ABCB1: variants seen among roughly 807,000 people sequenced by gnomAD.
ABCB1 encodes ATP binding cassette subfamily B member 1.
A neutral mutation model predicts 142.0 loss-of-function variants in ABCB1; 69 were observed. The ratio of observed to expected loss-of-function variants is 0.49; its 90% CI spans 0.40 to 0.59. ABCB1 has a LOEUF of 0.59. Among genes scored for constraint, ABCB1 ranks in the 20% least tolerant of loss-of-function variants. The pLI, the probability that ABCB1 is intolerant of heterozygous loss-of-function variation, is 0.00. For missense variants in ABCB1, 1,326 were observed against 1,554.7 expected, an observed-to-expected ratio of 0.85 and a Z score of 2.47; for synonymous variants, 532 against 539.2, an observed-to-expected ratio of 0.99 and a Z score of 0.18.
intron 3 of ABCB1, among the ~76,000 whole-genome samples, chr7:87,593,530 G>A (rs543387908): frequency 2.0e-5 from 3 of 152,314 alleles, no homozygotes; most frequent in East Asian, 3.9e-4. Flanking sequence ...TGTATACAAA[G>A]GTTGGCCCTT....
Position 87,566,812 on chromosome 7 carries a change from A to G in ABCB1, c.503T>C (p.Val168Ala), listed in dbSNP as rs776417319. 3 of 1,614,076 alleles carry G rather than the reference A, an allele frequency of 1.9e-6. No individual in the cohort carries two copies. In the Admixed American group the frequency reaches 5.0e-5, roughly 27 times the overall value. ...TGTAAGTCGGGTGTTAAGCTCCCCA[A>G]CATCGTGCACATCAAACCAGCCTAT... ...QEIGWFDVHD[V>A]GELNTRLTDD... The change falls in exon 6 of 28, where the codon GTT becomes GCT. Residue 168 changes from valine (V) to alanine (A), a missense_variant. Transcript: ENST00000622132.
chr7:87,561,268 A>C lies in ABCB1; in HGVS notation c.822T>G (p.Leu274=). The change falls in exon 8 of 28, where the codon CTT becomes CTG. Residue 274 remains leucine, a synonymous_variant. Coordinates refer to ENST00000622132, the MANE Select transcript of ABCB1 (RefSeq NM_001348946.2). The part of the protein sequence containing the change: ...VIAFGGQKKE[L]ERYNKNLEEA... ...TTTAAAAAAGAAACTCAAACCTTTC[A>C]AGTTCTTTCTTTTGTCCTCCAAATG... is the stretch of plus-strand genomic sequence containing the variant. 3 of 1,613,904 alleles carry C rather than the reference A, an allele frequency of 1.9e-6. No homozygotes were observed. Among genetic ancestry groups the C allele is most frequent in the Non-Finnish European group, 2.5e-6 (3 of 1,179,906 alleles).
intron 1 of ABCB1, among the ~76,000 whole-genome samples, chr7:87,641,227 G>T (rs1822421586): frequency 6.6e-6 from 1 of 152,138 alleles, no homozygotes; most frequent in Non-Finnish European, 1.5e-5. Flanking sequence ...AGTAGAAATA[G>T]ACCACAGTGG....
chr7:87,637,914 G>T (rs1281876465), intron 1 of ABCB1, among the ~76,000 whole-genome samples: 5 of 151,488 alleles, frequency 3.3e-5, no homozygotes, highest in South Asian at 4.2e-4. Context: ...TATTGCACTG[G>T]CTAGGACCAC....
At chr7:87,575,327 TG>T (rs961864604) in intron 4 of ABCB1, among the ~76,000 whole-genome samples, 5 of 152,174 alleles carry the variant, frequency 3.3e-5, no homozygotes, top group African/African-American at 1.2e-4. Context: ...ATTGAAAAGG[TG>T]GTTTTCAAAC....
intron 9 of ABCB1, among the ~76,000 whole-genome samples, chr7:87,552,206 TA>T (rs1229282775): frequency 6.6e-6 from 1 of 152,232 alleles, no homozygotes; most frequent in Non-Finnish European, 1.5e-5. Context: ...TTCTTATTGG[TA>T]AAGACTTAAC....
At chr7:87,612,131 G>T (rs1001657143) in intron 1 of ABCB1, among the ~76,000 whole-genome samples, 6 of 152,098 alleles carry the variant, frequency 3.9e-5, no homozygotes, top group African/African-American at 1.2e-4. Context: ...GGACTGATTT[G>T]TCTGAGCTCC....
chr7:87,599,723 T>C (rs1819366564), intron 2 of ABCB1, among the ~76,000 whole-genome samples: 1 of 152,230 alleles, frequency 6.6e-6, no homozygotes, highest in African/African-American at 2.4e-5. Flanking sequence ...TAGCAATATA[T>C]TGTATATTTC....
chr7:87,544,963 C>G lies in ABCB1; in HGVS notation c.1924G>C (p.Asp642His). Reference protein sequence around the residue: ...GNEVELENAADESKSEIDALE... With the variant: ...GNEVELENAAHESKSEIDALE... ...GCATCAATTTCACTTTTGGATTCAT[C>G]AGCTGCATTTTCTAATTCAACTTCA... is the stretch of plus-strand genomic sequence containing the variant. The change falls in exon 16 of 28, where the codon GAT (aspartate) becomes CAT (histidine). Residue 642 changes from aspartate to histidine, a missense_variant. By Grantham distance (81) the Asp-to-His change is moderately conservative. Coordinates refer to ENST00000622132, the MANE Select transcript of ABCB1 (RefSeq NM_001348946.2). 6.2e-7 allele frequency: 1 copy of G among 1,614,032 alleles called. No homozygotes were observed. The highest frequency in any genetic ancestry group is 8.5e-7 in the Non-Finnish European group (1 of 1,179,996).
At chr7:87,674,988 C>T (rs1450011249) in intron 1 of ABCB1, among the ~76,000 whole-genome samples, 4 of 152,220 alleles carry the variant, frequency 2.6e-5, no homozygotes, top group African/African-American at 9.6e-5. Context: ...CAGGCTGGAG[C>T]CCTGTACCTA....
chr7:87,610,024 T>G (rs1222340865), intron 1 of ABCB1, among the ~76,000 whole-genome samples: 4 of 152,210 alleles, frequency 2.6e-5, no homozygotes, highest in African/African-American at 9.7e-5. Flanking sequence ...CATGACCTTT[T>G]CTTGAGACAC....
chr7:87,512,939 A>C lies in ABCB1; in HGVS notation c.3282+2292T>G, dbSNP rs189843925. On this transcript the variant is annotated intron_variant, in intron 25 of 27. Transcript: ENST00000622132. ...TACTTCTGTGTCTGACCTTTTATAC[A>C]TCAAGGGACTAGAAGGCTAAAAACT... 1.1e-3 allele frequency among the ~76,000 whole-genome samples: 167 copies of C among 152,296 alleles called. 4 individuals are homozygous for C. The South Asian group carries it at 0.017, about 15-fold the overall frequency.
chr7:87,506,387 A>C (rs1180478323), intron 26 of ABCB1, among the ~76,000 whole-genome samples: 1 of 152,202 alleles, frequency 6.6e-6, no homozygotes, highest in Non-Finnish European at 1.5e-5. Flanking sequence ...TGATTTGAAC[A>C]AAGTATTCAT....
intron 1 of ABCB1, among the ~76,000 whole-genome samples, chr7:87,669,935 A>G (rs1028504560): frequency 1.3e-5 from 2 of 152,116 alleles, no homozygotes; most frequent in Non-Finnish European, 2.9e-5. Flanking sequence ...GGAATAGCTG[A>G]TGACATGTGT....
intron 1 of ABCB1, among the ~76,000 whole-genome samples, chr7:87,630,061 T>G (rs1347412129): frequency 6.6e-6 from 1 of 152,194 alleles, no homozygotes; most frequent in Non-Finnish European, 1.5e-5. Flanking sequence ...TCTTAGGAAC[T>G]TCTCTGAGCC....
intron 14 of ABCB1, 80 bp downstream of exon 14, chr7:87,549,268 A>G (rs1179487775): frequency 3.8e-6 from 6 of 1,568,734 alleles, no homozygotes; most frequent in South Asian, 1.1e-5. Context: ...TTCCTTTTCT[A>G]AGACCAATAT....
intron 4 of ABCB1, among the ~76,000 whole-genome samples, chr7:87,570,802 C>T (rs562883877): frequency 5.9e-5 from 9 of 152,036 alleles, no homozygotes; most frequent in Non-Finnish European, 1.2e-4. Flanking sequence ...TATACACACA[C>T]GAGCACAATT....
At chr7:87,624,086 T>C (rs1820322347) in intron 1 of ABCB1, among the ~76,000 whole-genome samples, 1 of 152,244 alleles carries the variant, frequency 6.6e-6, no homozygotes, top group South Asian at 2.1e-4. Context: ...AAAAATGTTT[T>C]CTCGGTCTCA....
chr7:87,516,685 A>G lies in ABCB1; in HGVS notation c.2928-20T>C. ...AATACTCTGGAAAGCACAAACACAA[A>G]ACATGTGCACAGCATTACCATCACA... On this transcript the variant is annotated intron_variant, in intron 23 of 27. Transcript: ENST00000622132. The G allele has an allele frequency of 6.2e-7, 1 of 1,611,488 alleles. No homozygotes were observed. The highest frequency in any genetic ancestry group is 8.5e-7 in the Non-Finnish European group (1 of 1,179,520).
Sources: gnomAD v4.1 joint callset for allele counts (sites outside exome capture counted in the v4.1 genomes callset) on GRCh38, gnomAD v4.1.1 for gene constraint, MANE v1.5 for transcripts, NCBI Gene and HGNC (gene_info 2026-07-23, HGNC 2026-07-21) for gene names.